The following SLC25A25 variants were observed in gnomAD, a reference collection of about 807,000 sequenced individuals.
The protein encoded by SLC25A25 is mitochondrial adenyl nucleotide antiporter SLC25A25.
In SLC25A25, 32 loss-of-function variants were observed where a neutral mutation model predicts 57.7. That is an observed-to-expected ratio of 0.55 (90% confidence interval 0.42 to 0.74). SLC25A25 has a LOEUF of 0.74. Among genes scored for constraint, SLC25A25 ranks in the 30% least tolerant of loss-of-function variants. The pLI, the probability that SLC25A25 is intolerant of heterozygous loss-of-function variation, is 0.00. For synonymous variants in SLC25A25, 306 were observed against 291.2 expected, an observed-to-expected ratio of 1.05 and a Z score of -0.52; for missense variants, 556 against 701.3, an observed-to-expected ratio of 0.79 and a Z score of 2.34.
In SLC25A25 at chr9:128,107,073, G is replaced by A. The variant is rs141401867; in HGVS notation, c.1257G>A (p.Ala419=). The A allele has an allele frequency of 1.5e-4, 250 of 1,614,022 alleles. No individual in the cohort carries two copies. Among genetic ancestry groups the A allele is most frequent in the Non-Finnish European group, 2.0e-4 (231 of 1,180,030 alleles). The change falls in exon 10 of 11, where the codon GCG becomes GCA. Residue 419 remains alanine, a synonymous_variant. Transcript: ENST00000373069. ...AWLQHYAVNS[A]DPGVFVLLAC... is the part of the protein sequence containing the mutation. ...TGCAGCACTATGCAGTGAACAGCGC[G>A]GACCCCGGCGTGTTTGTGCTCCTGG... is the stretch of plus-strand genomic sequence containing the variant.
rs770966841 is a variant in SLC25A25 at position 128,068,439 on chromosome 9, C to T, written c.120C>T (p.Ile40=). ...ASVGDPCGGA[I]CGGPDHRLRL... Reference sequence around the variant, plus strand: ...TGGGGGACCCCTGCGGCGGCGCTATCTGCGGGGGCCCGGACCACCGGCTGC... The same window carrying T: ...TGGGGGACCCCTGCGGCGGCGCTATTTGCGGGGGCCCGGACCACCGGCTGC... Residue 40 remains isoleucine (I), a synonymous_variant, in exon 1 of 11, where the codon ATC becomes ATT. Coordinates refer to ENST00000373069, the MANE Select transcript of SLC25A25 (RefSeq NM_001330988.2). 12 of 1,557,692 alleles carry T rather than the reference C, an allele frequency of 7.7e-6. No homozygotes were observed. The highest frequency in any genetic ancestry group is 1.0e-5 in the Non-Finnish European group (12 of 1,162,684).
rs1191346716 is a variant in SLC25A25 at position 128,099,598 on chromosome 9, G to A, written c.262-1498G>A. ...TATGTCACTCTTGTCTGAGAGCACA[G>A]ATGTCCACAGGAAGTTAAATGTAAC... is the stretch of plus-strand genomic sequence containing the variant. On this transcript the variant is annotated intron_variant, in intron 1 of 10. Coordinates refer to ENST00000373069, the MANE Select transcript of SLC25A25 (RefSeq NM_001330988.2). The surrounding 1 kb of genome is among the most constrained non-coding windows in gnomAD (Gnocchi z 6.8). Among the ~76,000 whole-genome samples, 1 of 152,240 alleles carries A rather than the reference G, an allele frequency of 6.6e-6. No homozygotes were observed. The highest frequency in any genetic ancestry group is 1.5e-5 in the Non-Finnish European group (1 of 68,042).
Position 128,101,320 on chromosome 9 carries a change from G to A in SLC25A25, c.400G>A (p.Ala134Thr), listed in dbSNP as rs757331567. ...LDKKNDGRID[A>T]QEIMQSLRDL... is the part of the protein sequence containing the mutation. ...CTCTGTTCTTGCAGGACGCATTGAC[G>A]CGCAGGAGATCATGCAGTCCCTGCG... is the stretch of plus-strand genomic sequence containing the variant. Residue 134 changes from alanine (A) to threonine (T), a missense_variant, in exon 3 of 11, where the codon GCG becomes ACG. Transcript: ENST00000373069. This position sits in a 1 kb window ranked among gnomAD's most constrained non-coding sequence, Gnocchi z 4.9. 13 of 1,614,154 alleles carry A rather than the reference G, an allele frequency of 8.1e-6. No homozygotes were observed. The highest frequency in any genetic ancestry group is 2.2e-5 in the East Asian group (1 of 44,900).
rs1363916582 is a variant in SLC25A25 at position 128,101,922 on chromosome 9, T to C, written c.477-158T>C. 6.6e-6 allele frequency among the ~76,000 whole-genome samples: 1 copy of C among 152,210 alleles called. No individual in the cohort carries two copies. The highest frequency in any genetic ancestry group is 1.5e-5 in the Non-Finnish European group (1 of 68,028). Reference sequence around the variant, plus strand: ...CTGCGGTCTGAACACTGGCTGGTCCTCGGGGACAGCAGCCCTGGGCTCAGC... The same window carrying C: ...CTGCGGTCTGAACACTGGCTGGTCCCCGGGGACAGCAGCCCTGGGCTCAGC... On this transcript the variant is annotated intron_variant, in intron 3 of 10. Transcript: ENST00000373069. The surrounding 1 kb of genome is among the most constrained non-coding windows in gnomAD (Gnocchi z 4.9).
chr9:128,086,273 T>A (rs750660657), intron 1 of SLC25A25, among the ~76,000 whole-genome samples: 12 of 151,292 alleles, frequency 7.9e-5, no homozygotes, highest in Non-Finnish European at 1.6e-4. Flanking sequence ...GCAATCCTCC[T>A]GCCTTACCCT....
At position 128,107,436 on chromosome 9, in the gene SLC25A25, T is replaced by C; in HGVS notation, c.1540T>C (p.Ser514Pro). The C allele has an allele frequency of 6.6e-7, 1 of 1,505,716 alleles. No homozygotes were observed. The highest frequency in any genetic ancestry group is 8.9e-7 in the Non-Finnish European group (1 of 1,126,372). The allele number at this position is 1,505,716 out of a possible 1,614,324, so 93.3% of individuals were successfully genotyped here. Residue 514 changes from serine to proline, a missense_variant, in exon 11 of 11, where the codon TCG becomes CCG. Physicochemically the swap from Ser to Pro is moderately conservative, Grantham distance 74. Coordinates refer to ENST00000373069, the MANE Select transcript of SLC25A25 (RefSeq NM_001330988.2). ...ENLKITLGVQ[S>P]R ...CCTGAAGATCACCCTGGGCGTGCAG[T>C]CGCGGTGACGGGGGGAGGGCCGCCC... is the stretch of plus-strand genomic sequence containing the variant.
In SLC25A25 at chr9:128,107,671, T is replaced by C; in HGVS notation, c.*227T>C. ...TCCAGCGAAGACCACAGGCATTCCT[T>C]AGGGTCCAGGGTCAGCAGGCTCCGG... On this transcript the variant is annotated 3_prime_UTR_variant, in exon 11 of 11. Coordinates refer to ENST00000373069, the MANE Select transcript of SLC25A25 (RefSeq NM_001330988.2). 1 of 458,690 alleles carries C rather than the reference T, an allele frequency of 2.2e-6. No homozygotes were observed. Among genetic ancestry groups the C allele is most frequent in the Non-Finnish European group, 3.8e-6 (1 of 265,730 alleles). 28.4% of individuals were successfully genotyped at this position (458,690 alleles called of 1,614,324 possible).
At chr9:128,091,405 C>T (rs1443769388) in intron 1 of SLC25A25, 8 of 983,406 alleles carry the variant, frequency 8.1e-6, no homozygotes, top group South Asian at 4.7e-5. Context: ...GGTGATTGGC[C>T]GGGCTCTGCT....
At chr9:128,080,860 A>G (rs1833141460) in intron 1 of SLC25A25, among the ~76,000 whole-genome samples, 1 of 152,216 alleles carries the variant, frequency 6.6e-6, no homozygotes. Flanking sequence ...CCCACATTTT[A>G]CAGGCTGGAG....
At chr9:128,082,722 T>C (rs1403597568) in intron 1 of SLC25A25, among the ~76,000 whole-genome samples, 1 of 152,164 alleles carries the variant, frequency 6.6e-6, no homozygotes, top group Non-Finnish European at 1.5e-5. Context: ...CTTGGCTCAC[T>C]GCAACCTCCG....
At chr9:128,093,786 C>G (rs571307263) in intron 1 of SLC25A25, among the ~76,000 whole-genome samples, 14 of 152,372 alleles carry the variant, frequency 9.2e-5, no homozygotes, top group African/African-American at 3.4e-4. Context: ...TTTGTGATCA[C>G]TGGCTGATTG....
intron 1 of SLC25A25, among the ~76,000 whole-genome samples, chr9:128,070,813 T>C (rs1161587266): frequency 6.8e-6 from 1 of 148,026 alleles, no homozygotes. Context: ...TAACGGGGAG[T>C]GGTGGCGCAT....
At chr9:128,074,348 A>AT (rs11403307) in intron 1 of SLC25A25, among the ~76,000 whole-genome samples, 106,494 of 150,956 alleles carry the variant, frequency 0.71, 40,685 homozygotes, top group Non-Finnish European at 0.85. Context: ...AGCTGAGAAG[A>AT]TTTTTTTTTA....
At position 128,108,776 on chromosome 9, in the gene SLC25A25, T is replaced by C. The variant is rs1834154413; in HGVS notation, c.*1332T>C. ...AGGCAGCAGCCCTGGCTCCTTTCCT[T>C]TGGCAGGTTGGGGAAGGGCTTGCCC... On this transcript the variant is annotated 3_prime_UTR_variant, in exon 11 of 11. Transcript: ENST00000373069. The C allele has an allele frequency of 1.3e-5, 2 of 152,366 alleles. No individual in the cohort carries two copies. The highest frequency in any genetic ancestry group is 4.2e-4 in the South Asian group (2 of 4,816). 9.4% of individuals were successfully genotyped at this position (152,366 alleles called of 1,614,324 possible).
chr9:128,102,232 C>T lies in SLC25A25; in HGVS notation c.512+117C>T, dbSNP rs1833829933. On this transcript the variant is annotated intron_variant, in intron 4 of 10. Transcript: ENST00000373069. The surrounding 1 kb of genome is among the most constrained non-coding windows in gnomAD (Gnocchi z 4.1). Reference sequence around the variant, plus strand: ...GCTAAGTGGGGTGTGGAGCCCCCTGCTCTTTCTCCTGGGGGCAGAGGCACC... The same window carrying T: ...GCTAAGTGGGGTGTGGAGCCCCCTGTTCTTTCTCCTGGGGGCAGAGGCACC... 3.6e-6 allele frequency: 5 copies of T among 1,408,188 alleles called. No individual in the cohort carries two copies. Among genetic ancestry groups the T allele is most frequent in the South Asian group, 1.2e-5 (1 of 81,426 alleles). 87.2% of individuals were successfully genotyped at this position (1,408,188 alleles called of 1,614,324 possible).
intron 1 of SLC25A25, chr9:128,092,163 G>A: frequency 6.5e-7 from 1 of 1,546,038 alleles, no homozygotes; most frequent in Non-Finnish European, 8.8e-7. Flanking sequence ...AAAAACGAGT[G>A]TGGGGAGGAA....
chr9:128,096,495 G>C (rs1833561882), intron 1 of SLC25A25, among the ~76,000 whole-genome samples: 1 of 151,572 alleles, frequency 6.6e-6, no homozygotes, highest in Non-Finnish European at 1.5e-5. Flanking sequence ...GGTGACAAGA[G>C]TGACAGTCTG....
chr9:128,075,993 C>T (rs1404331182), intron 1 of SLC25A25, among the ~76,000 whole-genome samples: 1 of 152,164 alleles, frequency 6.6e-6, no homozygotes, highest in African/African-American at 2.4e-5. Context: ...ATCCTCTTAT[C>T]TCGGCTTCCC....
At chr9:128,081,471 GTGGCTCCCAC>G (rs1204103971) in intron 1 of SLC25A25, among the ~76,000 whole-genome samples, 1 of 152,200 alleles carries the variant, frequency 6.6e-6, no homozygotes, top group Non-Finnish European at 1.5e-5. Context: ...GACGAATTGT[GTGGCTCCCAC>G]TGGCCAGTGT....
Sources: gnomAD v4.1 joint callset for allele counts (sites outside exome capture counted in the v4.1 genomes callset) on GRCh38, gnomAD v4.1.1 for gene constraint, Gnocchi (gnomAD v3.1) non-coding constraint, MANE v1.5 for transcripts, NCBI Gene and HGNC (gene_info 2026-07-23, HGNC 2026-07-21) for gene names.